PTPRK: variants seen among roughly 807,000 people sequenced by gnomAD.
The protein encoded by PTPRK is protein tyrosine phosphatase receptor type K.
A neutral mutation model predicts 178.0 loss-of-function variants in PTPRK; 75 were observed. The observed-to-expected ratio is 0.42, with a 90% CI of 0.35 to 0.51. The LOEUF (loss-of-function observed/expected upper bound fraction) is 0.51, where lower values mean the gene tolerates loss of function less well. Ranked by LOEUF, PTPRK falls within the 20% of genes least tolerant of loss-of-function variation. PTPRK has a pLI of 0.02. For synonymous variants in PTPRK, 637 were observed against 620.6 expected (o/e 1.03, Z -0.39); for missense variants, 1,441 against 1,797.8 (o/e 0.80, Z 3.59).
At chr6:128,394,696 G>A (rs568554995) in intron 2 of PTPRK, among the ~76,000 whole-genome samples, 1 of 152,296 alleles carries the variant, frequency 6.6e-6, no homozygotes, top group East Asian at 1.9e-4. Flanking sequence ...GACCAAACTA[G>A]TATGTGGAAC....
chr6:128,162,078 A>C (rs1396475330), intron 7 of PTPRK, among the ~76,000 whole-genome samples: 1 of 151,668 alleles, frequency 6.6e-6, no homozygotes, highest in East Asian at 1.9e-4. Context: ...TACAAAAAGG[A>C]AATGGGGATG....
intron 13 of PTPRK, among the ~76,000 whole-genome samples, chr6:128,019,510 G>T (rs539834440): frequency 6.7e-6 from 1 of 150,030 alleles, no homozygotes; most frequent in East Asian, 2.0e-4. Context: ...AATCTGGGAG[G>T]GTTCTGAGAG....
chr6:128,202,645 G>A (rs1171029207), intron 6 of PTPRK, among the ~76,000 whole-genome samples: 1 of 152,110 alleles, frequency 6.6e-6, no homozygotes, highest in Non-Finnish European at 1.5e-5. Flanking sequence ...TAAGAAGGAC[G>A]GAGTTCCCCA....
At chr6:127,976,387 C>T (rs952802466) in intron 27 of PTPRK, among the ~76,000 whole-genome samples, 5 of 152,188 alleles carry the variant, frequency 3.3e-5, no homozygotes, top group African/African-American at 1.2e-4. Flanking sequence ...AGAGGCCAGG[C>T]CTAGGCTGTC....
chr6:128,345,184 G>A (rs556661131), intron 2 of PTPRK, among the ~76,000 whole-genome samples: 2 of 152,032 alleles, frequency 1.3e-5, no homozygotes, highest in Non-Finnish European at 2.9e-5. Context: ...ATAGATACAT[G>A]TATTCATACA....
intron 2 of PTPRK, among the ~76,000 whole-genome samples, chr6:128,369,720 T>C (rs1414968748): frequency 1.3e-5 from 2 of 152,266 alleles, no homozygotes; most frequent in East Asian, 3.9e-4. Flanking sequence ...TTAACCTTTC[T>C]CTCATATTTT....
chr6:128,185,040 T>C (rs1051798001), intron 6 of PTPRK, among the ~76,000 whole-genome samples: 1 of 152,208 alleles, frequency 6.6e-6, no homozygotes, highest in Non-Finnish European at 1.5e-5. Flanking sequence ...TCTAATTAGC[T>C]ACTAAGAGAG....
chr6:128,165,987 A>G (rs1384167806), intron 7 of PTPRK, among the ~76,000 whole-genome samples: 1 of 151,660 alleles, frequency 6.6e-6, no homozygotes, highest in African/African-American at 2.4e-5. Flanking sequence ...CTCAGTTACA[A>G]GAGTATTTCT....
intron 7 of PTPRK, among the ~76,000 whole-genome samples, chr6:128,098,140 A>T (rs760963087): frequency 1.1e-4 from 16 of 152,220 alleles, no homozygotes; most frequent in Non-Finnish European, 2.2e-4. Flanking sequence ...TTTTCTGAAC[A>T]ATAAAGCAGG....
At chr6:128,060,804 A>G (rs529614256) in intron 13 of PTPRK, among the ~76,000 whole-genome samples, 5 of 152,186 alleles carry the variant, frequency 3.3e-5, no homozygotes, top group East Asian at 1.9e-4. Flanking sequence ...AAAGTATTCT[A>G]TATTAGAATA....
chr6:128,298,902 T>C (rs1370376011), intron 3 of PTPRK, among the ~76,000 whole-genome samples: 1 of 152,120 alleles, frequency 6.6e-6, no homozygotes, highest in East Asian at 1.9e-4. Flanking sequence ...ATAAAGGGTA[T>C]TCAATTAGGA....
At chr6:128,296,264 T>C (rs1824351132) in intron 3 of PTPRK, among the ~76,000 whole-genome samples, 1 of 152,106 alleles carries the variant, frequency 6.6e-6, no homozygotes, top group African/African-American at 2.4e-5. Flanking sequence ...GAATATACCC[T>C]CGTCTTCTTC....
At position 127,969,050 on chromosome 6, in the gene PTPRK, G is replaced by C. The variant is rs931776321; in HGVS notation, c.*1177C>G. The C allele has an allele frequency of 6.6e-6, 1 of 152,198 alleles. No individual in the cohort carries two copies. Among genetic ancestry groups the C allele is most frequent in the Non-Finnish European group, 1.5e-5 (1 of 68,046 alleles). 9.4% of individuals were successfully genotyped at this position (152,198 alleles called of 1,614,324 possible). On this transcript the variant is annotated 3_prime_UTR_variant, in exon 30 of 30. Coordinates refer to ENST00000368226, the MANE Select transcript of PTPRK (RefSeq NM_002844.4). ...TTTATAGTCAGAACGCAAAGCTTGT[G>C]CATGTAAACATCAAGAGAAACATTT...
At chr6:127,973,639 T>G in intron 28 of PTPRK, 25 bp downstream of exon 28, 1 of 1,609,754 alleles carries the variant, frequency 6.2e-7, no homozygotes, top group Non-Finnish European at 8.5e-7. Context: ...GCCCCATGAA[T>G]GACAGGCTGA....
intron 2 of PTPRK, among the ~76,000 whole-genome samples, chr6:128,359,776 A>C (rs933683302): frequency 1.3e-4 from 20 of 152,072 alleles, no homozygotes; most frequent in Admixed American, 7.2e-4. Context: ...AAATAATAAA[A>C]TAAAATAAAA....
At chr6:128,502,496 T>C (rs906902263) in intron 1 of PTPRK, among the ~76,000 whole-genome samples, 4 of 152,160 alleles carry the variant, frequency 2.6e-5, no homozygotes, top group African/African-American at 9.7e-5. Context: ...GAAAGTGTTA[T>C]AGAAAGATCC....
In PTPRK at chr6:128,239,856, G is replaced by A. The variant is rs115836849; in HGVS notation, c.693+179C>T. 2.1e-3 allele frequency among the ~76,000 whole-genome samples: 321 copies of A among 152,238 alleles called. 3 individuals are homozygous for A. Among genetic ancestry groups the A allele is most frequent in the African/African-American group, 7.2e-3 (298 of 41,550 alleles). ...TTATTTGCTCATGTGTTTTATTTCA[G>A]AAAAGGAAATCTCTAACATGAATCT... On this transcript the variant is annotated intron_variant, in intron 5 of 29. Transcript: ENST00000368226.
At chr6:128,070,373 AG>A (rs1011390658) in intron 11 of PTPRK, among the ~76,000 whole-genome samples, 7 of 151,982 alleles carry the variant, frequency 4.6e-5, no homozygotes, top group Non-Finnish European at 1.0e-4. Flanking sequence ...GTATTTGGAG[AG>A]GGGGCCTTTG....
intron 2 of PTPRK, among the ~76,000 whole-genome samples, chr6:128,334,085 A>G (rs2128327242): frequency 6.6e-6 from 1 of 152,278 alleles, no homozygotes; most frequent in African/African-American, 2.4e-5. Flanking sequence ...TAAGCTCACC[A>G]TCTTATACGG....
Sources: allele counts gnomAD v4.1 joint callset (sites outside exome capture counted in the v4.1 genomes callset), GRCh38; gene constraint gnomAD v4.1.1; transcripts MANE v1.5; gene names NCBI Gene and HGNC (gene_info 2026-07-23, HGNC 2026-07-21).